ASPRV1: variants seen among roughly 807,000 people sequenced by gnomAD.
ASPRV1 encodes aspartic peptidase retroviral like 1, also known as retroviral-like aspartic protease 1.
A neutral mutation model predicts 11.0 loss-of-function variants in ASPRV1; 7 were observed. That is an observed-to-expected ratio of 0.64 (90% CI 0.36 to 1.20). The LOEUF (loss-of-function observed/expected upper bound fraction) is 1.20, where lower values mean the gene tolerates loss of function less well. Among genes scored for constraint, ASPRV1 ranks in the 50% most tolerant of loss-of-function variants. The pLI is 0.02. For missense variants in ASPRV1, 299 were observed against 320.0 expected (o/e 0.93, Z 0.50); for synonymous variants, 136 against 138.4 (o/e 0.98, Z 0.12).
At chr2:70,052,233 C>A in the ASPRV1 span, among the ~76,000 whole-genome samples, 2 of 151,928 alleles carry the variant, frequency 1.3e-5, no homozygotes, top group Non-Finnish European at 2.9e-5. Flanking sequence ...TCAAAGAAGA[C>A]CCCACTGATA....
the ASPRV1 span, among the ~76,000 whole-genome samples, chr2:69,978,365 C>T: frequency 7.7e-4 from 117 of 152,272 alleles, no homozygotes; most frequent in African/African-American, 2.8e-3. Flanking sequence ...GGGACACAAC[C>T]CGGAGGGCCA....
At chr2:70,041,847 A>T in the ASPRV1 span, among the ~76,000 whole-genome samples, 1 of 152,208 alleles carries the variant, frequency 6.6e-6, no homozygotes, top group Non-Finnish European at 1.5e-5. Flanking sequence ...AAAGTGGAAG[A>T]AAGAATGCAG....
chr2:69,972,883 T>C, the ASPRV1 span, among the ~76,000 whole-genome samples: 3 of 151,976 alleles, frequency 2.0e-5, no homozygotes, highest in African/African-American at 7.3e-5. Flanking sequence ...TCTCATCCCT[T>C]TTCAGGGACT....
At chr2:69,983,256 G>A in the ASPRV1 span, among the ~76,000 whole-genome samples, 4 of 152,322 alleles carry the variant, frequency 2.6e-5, no homozygotes, top group Admixed American at 6.5e-5. Context: ...TCATTGGAGC[G>A]TCTTGTACTG....
At chr2:69,989,600 G>A in the ASPRV1 span, among the ~76,000 whole-genome samples, 1 of 152,220 alleles carries the variant, frequency 6.6e-6, no homozygotes, top group African/African-American at 2.4e-5. Context: ...GGCGTGGAGG[G>A]GGCACTAAGT....
chr2:69,969,585 C>T, the ASPRV1 span, among the ~76,000 whole-genome samples: 3 of 152,092 alleles, frequency 2.0e-5, no homozygotes, highest in Non-Finnish European at 4.4e-5. Flanking sequence ...ACAGGCCATT[C>T]CCCCTCATTC....
chr2:69,988,726 T>TC, the ASPRV1 span: 1 of 452,952 alleles, frequency 2.2e-6, no homozygotes, highest in South Asian at 1.6e-5. Context: ...ACAAAAACCT[T>TC]CCCCATGGAA....
the ASPRV1 span, chr2:70,060,100 G>A: frequency 4.6e-5 from 7 of 152,144 alleles, no homozygotes; most frequent in Non-Finnish European, 1.0e-4. Flanking sequence ...CCAGCACTTT[G>A]AGAGACCGAA....
the ASPRV1 span, among the ~76,000 whole-genome samples, chr2:69,986,570 CT>C: frequency 1.3e-5 from 2 of 152,242 alleles, no homozygotes; most frequent in African/African-American, 4.8e-5. Flanking sequence ...GGGATGACAA[CT>C]TCCCAGACCC....
the ASPRV1 span, among the ~76,000 whole-genome samples, chr2:70,067,068 T>A: frequency 6.8e-4 from 103 of 152,300 alleles, no homozygotes; most frequent in Non-Finnish European, 5.6e-4. Context: ...ATTCTAAGCA[T>A]CTTATATATA....
At chr2:70,001,166 TAA>T in the ASPRV1 span, among the ~76,000 whole-genome samples, 6 of 146,588 alleles carry the variant, frequency 4.1e-5, no homozygotes, top group African/African-American at 1.2e-4. Flanking sequence ...CTTTTTAAAT[TAA>T]AAAAAAAAAA....
the ASPRV1 span, among the ~76,000 whole-genome samples, chr2:69,949,447 A>T: frequency 6.6e-6 from 1 of 152,302 alleles, no homozygotes; most frequent in African/African-American, 2.4e-5. Flanking sequence ...CTTGATCACC[A>T]TCGGAATTGT....
chr2:70,021,861 C>A, the ASPRV1 span, among the ~76,000 whole-genome samples: 5 of 150,390 alleles, frequency 3.3e-5, no homozygotes, highest in Non-Finnish European at 7.4e-5. Flanking sequence ...TGCCACCATA[C>A]CCAGCTAATT....
the ASPRV1 span, among the ~76,000 whole-genome samples, chr2:70,036,699 ACT>A: frequency 6.6e-6 from 1 of 152,112 alleles, no homozygotes; most frequent in Non-Finnish European, 1.5e-5. Flanking sequence ...ACAGGGACTC[ACT>A]CTGTCACCCA....
At chr2:70,070,143 C>T in the ASPRV1 span, 2 of 129,582 alleles carry the variant, frequency 1.5e-5, no homozygotes, top group African/African-American at 3.0e-5. Context: ...CGTGCCATTG[C>T]ACTCCAGACT....
At chr2:70,062,016 G>C in the ASPRV1 span, among the ~76,000 whole-genome samples, 2 of 149,388 alleles carry the variant, frequency 1.3e-5, no homozygotes, top group South Asian at 4.3e-4. Flanking sequence ...GGCTGAGCAC[G>C]GTGGCTCACA....
At chr2:70,058,495 G>A in the ASPRV1 span, among the ~76,000 whole-genome samples, 4 of 152,010 alleles carry the variant, frequency 2.6e-5, no homozygotes, top group Non-Finnish European at 4.4e-5. Context: ...GCCTGTGTCA[G>A]CCTACCAAAG....
At chr2:69,938,505 GAC>G in the ASPRV1 span, 1 of 531,986 alleles carries the variant, frequency 1.9e-6, no homozygotes, top group Non-Finnish European at 3.4e-6. Context: ...GTCTCTGAGA[GAC>G]TATACATTCC....
chr2:70,072,631 A>C, the ASPRV1 span, among the ~76,000 whole-genome samples: 2 of 152,058 alleles, frequency 1.3e-5, no homozygotes, highest in Non-Finnish European at 2.9e-5. Context: ...CTGAGGCAGG[A>C]GAATCACTTG....
Sources: gnomAD v4.1 joint callset for allele counts (sites outside exome capture counted in the v4.1 genomes callset) on GRCh38, gnomAD v4.1.1 for gene constraint, MANE v1.5 for transcripts, NCBI Gene and HGNC (gene_info 2026-07-23, HGNC 2026-07-21) for gene names.